Variants in GRIK2 observed in about 807,000 individuals in gnomAD.
The protein encoded by GRIK2 is glutamate ionotropic receptor kainate type subunit 2.
Under a neutral mutation model 100.3 loss-of-function variants are expected in GRIK2, and 32 were observed. The ratio of observed to expected loss-of-function variants is 0.32; its 90% CI spans 0.24 to 0.43. The LOEUF (loss-of-function observed/expected upper bound fraction) is 0.43. Ranked by LOEUF, GRIK2 falls within the 20% of genes least tolerant of loss-of-function variation. The pLI is 1.00. For missense variants in GRIK2, 843 were observed against 1,114.9 expected, an observed-to-expected ratio of 0.76 and a Z score of 3.47; for synonymous variants, 417 against 389.4, an observed-to-expected ratio of 1.07 and a Z score of -0.83.
chr6:101,580,142 TC>T (rs1364431651), intron 2 of GRIK2, among the ~76,000 whole-genome samples: 1 of 152,170 alleles, frequency 6.6e-6, no homozygotes, highest in Non-Finnish European at 1.5e-5. Flanking sequence ...CTAATTAGTA[TC>T]TCATCTCTGG....
chr6:101,523,942 G>C (rs192351048), intron 2 of GRIK2, among the ~76,000 whole-genome samples: 2 of 151,904 alleles, frequency 1.3e-5, no homozygotes, highest in Non-Finnish European at 2.9e-5. Context: ...GGCTGGCCTC[G>C]AACCCCTGAC....
intron 2 of GRIK2, among the ~76,000 whole-genome samples, chr6:101,412,243 A>AT (rs1775919900): frequency 6.6e-6 from 1 of 152,104 alleles, no homozygotes; most frequent in South Asian, 2.1e-4. Context: ...TTTTAGGTAG[A>AT]TAAATTGTTA....
chr6:101,612,031 G>T (rs1779699372), intron 2 of GRIK2, among the ~76,000 whole-genome samples: 2 of 151,838 alleles, frequency 1.3e-5, no homozygotes, highest in Admixed American at 1.3e-4. Flanking sequence ...TGAGGATAAA[G>T]AGTGGCAATA....
chr6:101,786,871 A>G (rs1779458388), intron 7 of GRIK2, among the ~76,000 whole-genome samples: 1 of 152,078 alleles, frequency 6.6e-6, no homozygotes, highest in Non-Finnish European at 1.5e-5. Context: ...GCTTTTTAAC[A>G]GGTAGTTTGA....
intron 2 of GRIK2, among the ~76,000 whole-genome samples, chr6:101,400,723 A>G (rs1775257002): frequency 6.6e-6 from 1 of 152,184 alleles, no homozygotes; most frequent in Admixed American, 6.5e-5. Context: ...GCTTTGTAGA[A>G]CAAAGGTAGG....
At chr6:101,448,955 T>C (rs572398664) in intron 2 of GRIK2, among the ~76,000 whole-genome samples, 34 of 151,638 alleles carry the variant, frequency 2.2e-4, no homozygotes, top group Admixed American at 7.9e-4. Flanking sequence ...TTATTGTTCA[T>C]GGGATATTTG....
chr6:101,879,283 T>G (rs1455753997), intron 11 of GRIK2, among the ~76,000 whole-genome samples: 1 of 152,040 alleles, frequency 6.6e-6, no homozygotes, highest in Non-Finnish European at 1.5e-5. Flanking sequence ...TATTTCCCAT[T>G]GCTGTTTTAA....
chr6:101,892,104 T>C (rs1055813666), intron 12 of GRIK2, among the ~76,000 whole-genome samples: 7 of 152,072 alleles, frequency 4.6e-5, no homozygotes, highest in African/African-American at 1.4e-4. Flanking sequence ...AGGATAGAAA[T>C]AAAGCCTAGA....
intron 7 of GRIK2, among the ~76,000 whole-genome samples, chr6:101,796,884 TA>T (rs1780342031): frequency 6.6e-6 from 1 of 152,120 alleles, no homozygotes; most frequent in East Asian, 1.9e-4. Context: ...CTAATTTTTA[TA>T]ATTGTACTTA....
chr6:102,007,515 T>C lies in GRIK2; in HGVS notation c.2086-27826T>C, dbSNP rs112207272. On this transcript the variant is annotated intron_variant, in intron 14 of 16. Transcript: ENST00000369134. Reference sequence around the variant, plus strand: ...AATAATAGTTGTATTCTTCTTTTGATCCTGTATTTATGGAGGTGGCAATAC... The same window carrying C: ...AATAATAGTTGTATTCTTCTTTTGACCCTGTATTTATGGAGGTGGCAATAC... 2.1e-3 allele frequency among the ~76,000 whole-genome samples: 319 copies of C among 152,256 alleles called. 2 individuals are homozygous for C. Among genetic ancestry groups the C allele is most frequent in the African/African-American group, 7.5e-3 (312 of 41,568 alleles).
At chr6:101,493,992 T>A (rs1250174233) in intron 2 of GRIK2, among the ~76,000 whole-genome samples, 2 of 141,706 alleles carry the variant, frequency 1.4e-5, no homozygotes, top group African/African-American at 2.6e-5. Context: ...TATATAAAAA[T>A]TATAAAAATG....
rs573471434 is a variant in GRIK2 at position 101,821,706 on chromosome 6, A to G, written c.1317+3223A>G. 1.2e-4 allele frequency among the ~76,000 whole-genome samples: 19 copies of G among 152,272 alleles called. No homozygotes were observed. In the South Asian group the frequency reaches 3.9e-3, roughly 32 times the overall value. On this transcript the variant is annotated intron_variant, in intron 10 of 16. Coordinates refer to ENST00000369134, the MANE Select transcript of GRIK2 (RefSeq NM_021956.5). ...TCTGACTTCAACATATCCATAGTCA[A>G]GTAAAGAACAGATTTGAAGAGATTA... is the stretch of plus-strand genomic sequence containing the variant.
intron 2 of GRIK2, among the ~76,000 whole-genome samples, chr6:101,424,892 G>A (rs534735144): frequency 5.1e-4 from 77 of 152,238 alleles, no homozygotes; most frequent in African/African-American, 1.8e-3. Context: ...CAAAGGACAC[G>A]AACTCTTCAT....
chr6:101,543,846 CA>C (rs1264384809), intron 2 of GRIK2, among the ~76,000 whole-genome samples: 2 of 152,162 alleles, frequency 1.3e-5, no homozygotes, highest in African/African-American at 4.8e-5. Context: ...ATAATCCAAA[CA>C]ATAAATTGTC....
intron 14 of GRIK2, among the ~76,000 whole-genome samples, chr6:102,033,695 C>T (rs911224224): frequency 6.6e-6 from 1 of 151,154 alleles, no homozygotes; most frequent in Non-Finnish European, 1.5e-5. Context: ...GGTGACTTTT[C>T]TATCTAAATA....
chr6:101,855,957 G>A, intron 10 of GRIK2, among the ~76,000 whole-genome samples: 1 of 152,122 alleles, frequency 6.6e-6, no homozygotes, highest in East Asian at 1.9e-4. Context: ...ATTTTGAGGG[G>A]AGAATTTGCA....
At chr6:101,926,861 G>A (rs1789937112) in intron 13 of GRIK2, among the ~76,000 whole-genome samples, 1 of 151,962 alleles carries the variant, frequency 6.6e-6, no homozygotes, top group Non-Finnish European at 1.5e-5. Flanking sequence ...GTGGTAATTG[G>A]GCCATTTATG....
intron 7 of GRIK2, among the ~76,000 whole-genome samples, chr6:101,731,743 A>G (rs1032246670): frequency 2.0e-5 from 3 of 152,140 alleles, no homozygotes; most frequent in Middle Eastern, 3.4e-3. Context: ...TGCAAATGGC[A>G]TCAAAATATT....
chr6:101,762,151 C>CCTCTGTCTCTGT (rs369497183), intron 7 of GRIK2, among the ~76,000 whole-genome samples: 2 of 141,626 alleles, frequency 1.4e-5, no homozygotes, highest in Admixed American at 6.9e-5. Flanking sequence ...CCTTCCTCTT[C>CCTCTGTCTCTGT]CTCTGTCTCT....
Sources: allele counts gnomAD v4.1 joint callset (sites outside exome capture counted in the v4.1 genomes callset), GRCh38; gene constraint gnomAD v4.1.1; transcripts MANE v1.5; gene names NCBI Gene and HGNC (gene_info 2026-07-23, HGNC 2026-07-21).